Variants in PCDH15 observed in about 807,000 individuals in gnomAD.
PCDH15 encodes the protein protocadherin-15.
A neutral mutation model predicts 178.5 loss-of-function variants in PCDH15; 129 were observed. The ratio of observed to expected loss-of-function variants is 0.72; its 90% confidence interval spans 0.63 to 0.84. The LOEUF (loss-of-function observed/expected upper bound fraction) is 0.84. Ranked by LOEUF, PCDH15 falls within the 40% of genes least tolerant of loss-of-function variation. PCDH15 has a pLI of 0.00. For synonymous variants in PCDH15, 800 were observed against 732.0 expected (o/e 1.09, Z -1.50); for missense variants, 2,230 against 2,099.9 (o/e 1.06, Z -1.21).
intron 4 of PCDH15, among the ~76,000 whole-genome samples, chr10:54,371,249 C>A (rs1947623200): frequency 1.3e-5 from 2 of 151,674 alleles, no homozygotes; most frequent in Non-Finnish European, 2.9e-5. Flanking sequence ...CAGCTACAAA[C>A]ATTAATGTAA....
At chr10:54,215,640 G>A (rs1029349936) in intron 9 of PCDH15, among the ~76,000 whole-genome samples, 1 of 152,156 alleles carries the variant, frequency 6.6e-6, no homozygotes, top group African/African-American at 2.4e-5. Flanking sequence ...TCAAAGTCAA[G>A]AAGTCAGGAA....
At chr10:55,208,882 G>C (rs1317640453) in intron 1 of PCDH15, among the ~76,000 whole-genome samples, 2 of 151,984 alleles carry the variant, frequency 1.3e-5, no homozygotes, top group African/African-American at 2.4e-5. Context: ...CAACATACAT[G>C]CTCCCTTATA....
intron 3 of PCDH15, among the ~76,000 whole-genome samples, chr10:54,825,432 C>T (rs1434557101): frequency 6.8e-6 from 1 of 147,844 alleles, no homozygotes. Context: ...AGTTCTAGAT[C>T]CCTGAGGAAT....
chr10:53,959,981 C>A, intron 22 of PCDH15, 137 bp from the exon 23 acceptor site: 1 of 714,420 alleles, frequency 1.4e-6, no homozygotes, highest in Non-Finnish European at 2.5e-6. Context: ...TCACTGCCTA[C>A]CAGGTGGCAG....
intron 10 of PCDH15, among the ~76,000 whole-genome samples, chr10:54,200,051 G>A (rs1008752790): frequency 1.3e-5 from 2 of 152,052 alleles, no homozygotes; most frequent in Admixed American, 6.6e-5. Context: ...ACCTTGTAAC[G>A]GAGGACTGAG....
chr10:55,030,835 T>C (rs561208997), intron 2 of PCDH15, among the ~76,000 whole-genome samples: 17 of 152,174 alleles, frequency 1.1e-4, no homozygotes, highest in Admixed American at 5.2e-4. Context: ...TAGGGGAAGA[T>C]AAAATAATTA....
chr10:55,528,821 G>C lies in PCDH15; in HGVS notation c.-156+98804C>G, dbSNP rs1356186662. Among the ~76,000 whole-genome samples the C allele has an allele frequency of 8.5e-5, 13 of 152,182 alleles. No homozygotes were observed. In the East Asian group the frequency reaches 2.1e-3, roughly 25 times the overall value. On this transcript the variant is annotated intron_variant, in intron 2 of 5. Transcript: ENST00000613346. ...CGCCACACTGACTTCCACAATGGTTGAACTAGTTTACAGTCCCACCAACAG... is the reference window on the plus strand; with the variant it reads ...CGCCACACTGACTTCCACAATGGTTCAACTAGTTTACAGTCCCACCAACAG...
chr10:55,124,899 A>G (rs186214466), intron 2 of PCDH15, among the ~76,000 whole-genome samples: 4 of 152,212 alleles, frequency 2.6e-5, no homozygotes, highest in African/African-American at 9.6e-5. Flanking sequence ...CAATAGAGGT[A>G]GAGTTCCAAA....
At chr10:55,129,323 A>G (rs1322309539) in intron 2 of PCDH15, among the ~76,000 whole-genome samples, 1 of 152,128 alleles carries the variant, frequency 6.6e-6, no homozygotes, top group Non-Finnish European at 1.5e-5. Context: ...TTAAACTAAA[A>G]TTAGGTCACA....
At chr10:54,064,470 G>A (rs553748557) in intron 18 of PCDH15, among the ~76,000 whole-genome samples, 26 of 152,272 alleles carry the variant, frequency 1.7e-4, no homozygotes, top group Admixed American at 4.6e-4. Flanking sequence ...TGAAGGTGGG[G>A]CTTCACCAGG....
chr10:54,700,156 C>T (rs1334713545), intron 1 of PCDH15, among the ~76,000 whole-genome samples: 1 of 152,030 alleles, frequency 6.6e-6, no homozygotes, highest in Non-Finnish European at 1.5e-5. Context: ...CGACTGAACC[C>T]ACCATATTCC....
At chr10:53,809,057 T>A (rs1441094012) in intron 37 of PCDH15, 1 of 1,612,200 alleles carries the variant, frequency 6.2e-7, no homozygotes, top group Non-Finnish European at 8.5e-7. Context: ...ACCATGGGCC[T>A]TCTTCTTGCA....
At chr10:55,576,192 T>C (rs1475116653) in intron 2 of PCDH15, among the ~76,000 whole-genome samples, 1 of 152,194 alleles carries the variant, frequency 6.6e-6, no homozygotes, top group African/African-American at 2.4e-5. Flanking sequence ...ACATAGTGAA[T>C]TAACAAATAT....
chr10:54,443,385 T>A (rs1210563482), intron 3 of PCDH15, among the ~76,000 whole-genome samples: 3 of 151,544 alleles, frequency 2.0e-5, no homozygotes, highest in African/African-American at 7.3e-5. Flanking sequence ...TCATATTAGA[T>A]GTTGGTAGAT....
At chr10:55,519,042 G>A (rs1193014265) in intron 2 of PCDH15, among the ~76,000 whole-genome samples, 1 of 136,934 alleles carries the variant, frequency 7.3e-6, no homozygotes, top group Non-Finnish European at 1.5e-5. Flanking sequence ...TGCATTTAAT[G>A]GAGATTGCAC....
At chr10:54,861,878 C>A (rs1331994979) in intron 3 of PCDH15, among the ~76,000 whole-genome samples, 3 of 152,152 alleles carry the variant, frequency 2.0e-5, no homozygotes, top group Non-Finnish European at 4.4e-5. Flanking sequence ...TTGCTTCTCT[C>A]AGGAAATGAC....
intron 3 of PCDH15, among the ~76,000 whole-genome samples, chr10:54,847,758 C>G (rs1953540104): frequency 6.6e-6 from 1 of 152,088 alleles, no homozygotes; most frequent in Non-Finnish European, 1.5e-5. Context: ...GTATTGAGCA[C>G]CCACATATAT....
At chr10:53,921,649 C>T (rs1358568274) in intron 25 of PCDH15, among the ~76,000 whole-genome samples, 1 of 152,118 alleles carries the variant, frequency 6.6e-6, no homozygotes, top group African/African-American at 2.4e-5. Context: ...TTCTTAATGG[C>T]ACTGCCCAAA....
chr10:54,283,514 T>C (rs2058834903), intron 8 of PCDH15, among the ~76,000 whole-genome samples: 1 of 152,048 alleles, frequency 6.6e-6, no homozygotes. Flanking sequence ...AAAACTATTC[T>C]CTGGGAACTA....
Sources: allele counts gnomAD v4.1 joint callset (sites outside exome capture counted in the v4.1 genomes callset), GRCh38; gene constraint gnomAD v4.1.1; transcripts MANE v1.5; gene names NCBI Gene and HGNC (gene_info 2026-07-23, HGNC 2026-07-21).